GALNTL6: variants seen among roughly 807,000 people sequenced by gnomAD.
GALNTL6 encodes polypeptide N-acetylgalactosaminyltransferase like 6.
Under a neutral mutation model 73.7 loss-of-function variants are expected in GALNTL6, and 46 were observed. The observed-to-expected ratio is 0.62, with a 90% CI of 0.49 to 0.80. The LOEUF (loss-of-function observed/expected upper bound fraction) is 0.80. Ranked by LOEUF, GALNTL6 falls within the 30% of genes least tolerant of loss-of-function variation. GALNTL6 has a pLI of 0.00. For missense variants in GALNTL6, 604 were observed against 755.0 expected, an observed-to-expected ratio of 0.80 and a Z score of 2.34; for synonymous variants, 259 against 263.7, an observed-to-expected ratio of 0.98 and a Z score of 0.17.
intron 2 of GALNTL6, among the ~76,000 whole-genome samples, chr4:172,008,022 C>A (rs1041912969): frequency 4.6e-5 from 7 of 151,924 alleles, no homozygotes; most frequent in Non-Finnish European, 1.0e-4. Context: ...TCCATGTGGT[C>A]ATGAATTAGG....
intron 5 of GALNTL6, among the ~76,000 whole-genome samples, chr4:172,484,935 T>G (rs1733617394): frequency 6.6e-6 from 1 of 152,166 alleles, no homozygotes; most frequent in African/African-American, 2.4e-5. Flanking sequence ...ATTAATGAAT[T>G]TATCTTTTAA....
chr4:172,348,647 C>A lies in GALNTL6; in HGVS notation c.511C>A (p.Leu171Met). 6.2e-7 allele frequency: 1 copy of A among 1,611,430 alleles called. No individual in the cohort carries two copies. Among genetic ancestry groups the A allele is most frequent in the Non-Finnish European group, 8.5e-7 (1 of 1,178,438 alleles). ...HSIINRTPGSLIAEIILVDDF... is the reference protein window; with the variant it reads ...HSIINRTPGSMIAEIILVDDF... ...TATAATTAACCGAACCCCAGGGAGT[C>A]TGATAGCAGAAATCATTCTAGTAGA... Residue 171 changes from leucine (L) to methionine (M), a missense_variant, in exon 5 of 13, where the codon CTG becomes ATG. Around this residue, in one of 5 missense-constraint regions of GALNTL6, gnomAD observed 179 missense variants for 230.8 expected, o/e 0.78. Coordinates refer to ENST00000506823, the MANE Select transcript of GALNTL6 (RefSeq NM_001034845.3).
At chr4:171,923,498 C>T (rs556738797) in intron 2 of GALNTL6, among the ~76,000 whole-genome samples, 23 of 149,918 alleles carry the variant, frequency 1.5e-4, no homozygotes, top group African/African-American at 5.2e-4. Context: ...CCTGGGTTCA[C>T]GCCATTCTGT....
chr4:172,723,886 C>G (rs1040739758), intron 5 of GALNTL6, among the ~76,000 whole-genome samples: 1 of 152,054 alleles, frequency 6.6e-6, no homozygotes, highest in Admixed American at 6.6e-5. Flanking sequence ...TTTTGAGCCA[C>G]AAAAGTACCT....
intron 5 of GALNTL6, among the ~76,000 whole-genome samples, chr4:172,681,452 C>T (rs1185338410): frequency 2.6e-5 from 4 of 152,022 alleles, no homozygotes; most frequent in Admixed American, 6.6e-5. Flanking sequence ...CTGAGATACA[C>T]ATATCAAAGA....
In GALNTL6 at chr4:171,927,673, T is replaced by C. The variant is rs180982384; in HGVS notation, c.138+112955T>C. Among the ~76,000 whole-genome samples the C allele has an allele frequency of 5.3e-5, 8 of 152,234 alleles. No homozygotes were observed. In the East Asian group the frequency reaches 1.5e-3, roughly 29 times the overall value. On this transcript the variant is annotated intron_variant, in intron 2 of 12. Transcript: ENST00000506823. Reference sequence around the variant, plus strand: ...TGTTCTGCTCCAGCCACATGGGTCTTCTTGGTGGGGAATGTGAAAATCACA... The same window carrying C: ...TGTTCTGCTCCAGCCACATGGGTCTCCTTGGTGGGGAATGTGAAAATCACA...
chr4:172,766,708 A>T (rs557181959), intron 5 of GALNTL6, among the ~76,000 whole-genome samples: 1 of 152,166 alleles, frequency 6.6e-6, no homozygotes. Context: ...TTTTAGTGCA[A>T]TTGTTGCTGG....
Position 171,947,442 on chromosome 4 carries a change from G to A in GALNTL6, c.138+132724G>A, listed in dbSNP as rs1367066419. Among the ~76,000 whole-genome samples, 4 of 151,752 alleles carry A rather than the reference G, an allele frequency of 2.6e-5. No individual in the cohort carries two copies. The East Asian group carries it at 7.8e-4, about 30-fold the overall frequency. On this transcript the variant is annotated intron_variant, in intron 2 of 12. Coordinates refer to ENST00000506823, the MANE Select transcript of GALNTL6 (RefSeq NM_001034845.3). ...AGTAATATATCTAGGTCAGAGCAGA[G>A]GCAACAGAATGCTGCCTTAAGTCAA...
chr4:172,741,664 A>AAT (rs984970576), intron 5 of GALNTL6, among the ~76,000 whole-genome samples: 1 of 151,918 alleles, frequency 6.6e-6, no homozygotes, highest in Non-Finnish European at 1.5e-5. Flanking sequence ...TATATAGAAG[A>AAT]ATATATATAG....
intron 2 of GALNTL6, among the ~76,000 whole-genome samples, chr4:171,920,339 C>A (rs995892238): frequency 6.6e-6 from 1 of 151,466 alleles, no homozygotes; most frequent in African/African-American, 2.4e-5. Context: ...ATGTAACAAA[C>A]CTGCATGTTG....
intron 2 of GALNTL6, among the ~76,000 whole-genome samples, chr4:172,058,814 T>A (rs1038772539): frequency 3.3e-5 from 5 of 152,178 alleles, no homozygotes; most frequent in Non-Finnish European, 5.9e-5. Flanking sequence ...ACTTTACTTT[T>A]CTGCATGCTT....
intron 2 of GALNTL6, among the ~76,000 whole-genome samples, chr4:172,142,115 T>C (rs912378176): frequency 7.2e-5 from 11 of 152,072 alleles, no homozygotes; most frequent in Non-Finnish European, 1.3e-4. Flanking sequence ...TTATTTTGTT[T>C]ATATTCTAAA....
chr4:172,606,549 G>GTATATA (rs563209201), intron 5 of GALNTL6, among the ~76,000 whole-genome samples: 14 of 116,564 alleles, frequency 1.2e-4, no homozygotes, highest in African/African-American at 4.3e-4. Flanking sequence ...AGAAGGAAGT[G>GTATATA]TATATATATA....
At chr4:172,014,969 A>G (rs957880441) in intron 2 of GALNTL6, among the ~76,000 whole-genome samples, 2 of 152,128 alleles carry the variant, frequency 1.3e-5, no homozygotes, top group Admixed American at 6.6e-5. Flanking sequence ...ACTGTGACCT[A>G]TCATATTATC....
intron 2 of GALNTL6, among the ~76,000 whole-genome samples, chr4:171,851,658 T>A (rs959223145): frequency 2.6e-5 from 4 of 152,182 alleles, no homozygotes; most frequent in African/African-American, 9.6e-5. Context: ...AAAAAAATGT[T>A]ATCTTTTTTG....
At chr4:172,674,361 G>C (rs943750183) in intron 5 of GALNTL6, among the ~76,000 whole-genome samples, 5 of 152,062 alleles carry the variant, frequency 3.3e-5, no homozygotes, top group African/African-American at 1.2e-4. Flanking sequence ...TTCCTTTGTA[G>C]GTGACCTGAC....
chr4:172,062,782 A>G (rs1054707712), intron 2 of GALNTL6, among the ~76,000 whole-genome samples: 3 of 152,192 alleles, frequency 2.0e-5, no homozygotes, highest in African/African-American at 7.2e-5. Flanking sequence ...GGAAAAATAG[A>G]TGGCTGTTCT....
intron 2 of GALNTL6, among the ~76,000 whole-genome samples, chr4:172,103,909 A>G (rs1319779563): frequency 6.6e-6 from 1 of 150,824 alleles, no homozygotes; most frequent in Non-Finnish European, 1.5e-5. Flanking sequence ...GGCTACACCA[A>G]AAACTAGGAC....
intron 2 of GALNTL6, among the ~76,000 whole-genome samples, chr4:172,125,738 A>G (rs1378758357): frequency 6.6e-6 from 1 of 152,138 alleles, no homozygotes; most frequent in Non-Finnish European, 1.5e-5. Context: ...TCATAAAAAA[A>G]TTATTATTTT....
Sources: gnomAD v4.1 joint callset for allele counts (sites outside exome capture counted in the v4.1 genomes callset) on GRCh38, gnomAD v4.1.1 for gene constraint, gnomAD v4.1.1 regional missense constraint, MANE v1.5 for transcripts, NCBI Gene and HGNC (gene_info 2026-07-23, HGNC 2026-07-21) for gene names.